PCDHGA5: variants seen among roughly 807,000 people sequenced by gnomAD.
The protein encoded by PCDHGA5 is protocadherin gamma-A5.
PCDHGA5 carries 36 observed loss-of-function variants against 56.7 expected under a neutral mutation model. The observed-to-expected ratio is 0.64, with a 90% confidence interval of 0.49 to 0.84. The LOEUF (loss-of-function observed/expected upper bound fraction) is 0.84, where lower values mean the gene tolerates loss of function less well. PCDHGA5 is among the 40% of genes least tolerant of loss of function. The probability of loss-of-function intolerance (pLI) is 0.00; values close to 1 mark genes in which losing one functional copy is unlikely to be tolerated. For synonymous variants in PCDHGA5, 563 were observed against 520.2 expected, an observed-to-expected ratio of 1.08 and a Z score of -1.12; for missense variants, 1,305 against 1,201.5, an observed-to-expected ratio of 1.09 and a Z score of -1.27.
chr5:141,384,622 A>G (rs1360248889), intron 1 of PCDHGA5: 1 of 1,614,218 alleles, frequency 6.2e-7, no homozygotes, highest in East Asian at 2.2e-5. Context: ...TTCTACTGGC[A>G]TGGAGCTGGC....
chr5:141,381,977 G>A lies in PCDHGA5; in HGVS notation c.2421+15226G>A, dbSNP rs61025717. Among the ~76,000 whole-genome samples, 1,494 of 151,364 alleles carry A rather than the reference G, an allele frequency of 9.9e-3. 24 individuals are homozygous for A. The highest frequency in any genetic ancestry group is 0.034 in the African/African-American group (1,395 of 41,190). On this transcript the variant is annotated intron_variant, in intron 1 of 3. Coordinates refer to ENST00000518069, the MANE Select transcript of PCDHGA5 (RefSeq NM_018918.3). ...CCTGAGTAGCTGGGATTACAGGCGC[G>A]CGCCACCACGCCCGGATAATTTTGT...
chr5:141,443,478 C>T (rs2098390426), intron 1 of PCDHGA5, among the ~76,000 whole-genome samples: 1 of 152,052 alleles, frequency 6.6e-6, no homozygotes, highest in East Asian at 1.9e-4. Context: ...AGAATTAGAC[C>T]CTGTCCCAAA....
chr5:141,454,842 C>T lies in PCDHGA5; in HGVS notation c.2422-39965C>T, dbSNP rs543795114. 1.2e-4 allele frequency among the ~76,000 whole-genome samples: 12 copies of T among 101,680 alleles called. No homozygotes were observed. The East Asian group carries it at 3.9e-3, about 33-fold the overall frequency. 66.7% of individuals were successfully genotyped at this position (101,680 alleles called of 152,430 possible). ...TTTTTTTTTGAGACAGAGTCGCGCTCTGTCACCCAGGCTGGAGTGCAGTGG... is the reference window on the plus strand; with the variant it reads ...TTTTTTTTTGAGACAGAGTCGCGCTTTGTCACCCAGGCTGGAGTGCAGTGG... On this transcript the variant is annotated intron_variant, in intron 1 of 3. Coordinates refer to ENST00000518069, the MANE Select transcript of PCDHGA5 (RefSeq NM_018918.3).
At chr5:141,405,775 G>A (rs2094716657) in intron 1 of PCDHGA5, among the ~76,000 whole-genome samples, 1 of 152,002 alleles carries the variant, frequency 6.6e-6, no homozygotes, top group African/African-American at 2.4e-5. Flanking sequence ...ACTGCGCCTG[G>A]CCCTTAACTT....
chr5:141,490,009 A>T lies in PCDHGA5; in HGVS notation c.2422-4798A>T. Reference sequence around the variant, plus strand: ...TGTGGGAATCCCAGAGAATGCACCCATTGGTACTCTGCTGCTCCGCCTCAA... The same window carrying T: ...TGTGGGAATCCCAGAGAATGCACCCTTTGGTACTCTGCTGCTCCGCCTCAA... On this transcript the variant is annotated intron_variant, in intron 1 of 3. Transcript: ENST00000518069. The surrounding 1 kb of genome is among the most constrained non-coding windows in gnomAD (Gnocchi z 5.4). 5 of 1,614,214 alleles carry T rather than the reference A, an allele frequency of 3.1e-6. No individual in the cohort carries two copies. The highest frequency in any genetic ancestry group is 4.2e-6 in the Non-Finnish European group (5 of 1,180,032).
chr5:141,419,794 T>G, intron 1 of PCDHGA5: 1 of 1,614,048 alleles, frequency 6.2e-7, no homozygotes, highest in Non-Finnish European at 8.5e-7. Flanking sequence ...TGCTAGTCGC[T>G]GTAAGAGATG....
intron 1 of PCDHGA5, chr5:141,402,983 G>A (rs748129276): frequency 6.2e-6 from 10 of 1,609,166 alleles, no homozygotes; most frequent in African/African-American, 1.3e-5. Flanking sequence ...CCAGCTCCGC[G>A]GAAGATTAGT....
chr5:141,419,402 T>G (rs2096376244), intron 1 of PCDHGA5: 1 of 1,613,378 alleles, frequency 6.2e-7, no homozygotes, highest in African/African-American at 1.3e-5. Flanking sequence ...CGGGGTGGTG[T>G]TCGCGCAGCG....
chr5:141,465,836 A>G (rs974075792), intron 1 of PCDHGA5, among the ~76,000 whole-genome samples: 1 of 151,774 alleles, frequency 6.6e-6, no homozygotes, highest in East Asian at 1.9e-4. Context: ...TAAAATTTCA[A>G]CTGAGGCTGG....
At position 141,381,228 on chromosome 5, in the gene PCDHGA5, A is replaced by G. The variant is rs182297381; in HGVS notation, c.2421+14477A>G. ...TCTGGATTCTCCTCCTGGTTCCACC[A>G]ACTACTCTCCAGGACCTAGAAGAAT... On this transcript the variant is annotated intron_variant, in intron 1 of 3. Transcript: ENST00000518069. Among the ~76,000 whole-genome samples, 8 of 152,396 alleles carry G rather than the reference A, an allele frequency of 5.2e-5. No individual in the cohort carries two copies. In the East Asian group the frequency reaches 1.5e-3, roughly 29 times the overall value.
chr5:141,400,783 T>G (rs2094075214), intron 1 of PCDHGA5: 1 of 566,968 alleles, frequency 1.8e-6, no homozygotes, highest in African/African-American at 1.9e-5. Flanking sequence ...TGCGTTTTTT[T>G]GTCCTCTTTC....
intron 1 of PCDHGA5, among the ~76,000 whole-genome samples, chr5:141,469,852 C>T (rs529924249): frequency 1.3e-4 from 20 of 152,054 alleles, no homozygotes; most frequent in African/African-American, 4.8e-4. Flanking sequence ...AGATTCAGAC[C>T]GGGTGCAATG....
chr5:141,464,769 T>C (rs2154568595), intron 1 of PCDHGA5, among the ~76,000 whole-genome samples: 1 of 152,328 alleles, frequency 6.6e-6, no homozygotes. Flanking sequence ...ACAGGAATCT[T>C]GTTCTGTTGC....
chr5:141,377,582 T>A (rs1774132578), intron 1 of PCDHGA5: 1 of 150,722 alleles, frequency 6.6e-6, no homozygotes. Flanking sequence ...GGAGACAGAA[T>A]GAGACTTTTT....
rs2099425622 is a variant in PCDHGA5, at chr5:141,477,947, T to C, written c.2422-16860T>C. Reference sequence around the variant, plus strand: ...CAATGCCTGGCTCTCCTACAGTCTCTTGGGATCCCCTAACCAGAGCCTTTT... The same window carrying C: ...CAATGCCTGGCTCTCCTACAGTCTCCTGGGATCCCCTAACCAGAGCCTTTT... On this transcript the variant is annotated intron_variant, in intron 1 of 3. Coordinates refer to ENST00000518069, the MANE Select transcript of PCDHGA5 (RefSeq NM_018918.3). The surrounding 1 kb of genome is among the most constrained non-coding windows in gnomAD (Gnocchi z 4.9). 1.9e-6 allele frequency: 3 copies of C among 1,614,132 alleles called. No homozygotes were observed. Among genetic ancestry groups the C allele is most frequent in the Non-Finnish European group, 2.5e-6 (3 of 1,180,018 alleles).
chr5:141,395,310 A>T (rs752171326), intron 1 of PCDHGA5: 1 of 1,502,292 alleles, frequency 6.7e-7, no homozygotes, highest in African/African-American at 1.4e-5. Context: ...TTTGAAAAAC[A>T]TTGTGAAGAT....
intron 1 of PCDHGA5, among the ~76,000 whole-genome samples, chr5:141,468,946 C>G: frequency 7.0e-6 from 1 of 141,900 alleles, no homozygotes; most frequent in Non-Finnish European, 1.5e-5. Context: ...ATGGGGTAAA[C>G]CTGTGGTTTT....
At position 141,477,019 on chromosome 5, in the gene PCDHGA5, C is replaced by T. The variant is rs148675327; in HGVS notation, c.2422-17788C>T. 1.9e-5 allele frequency: 30 copies of T among 1,614,242 alleles called. No individual in the cohort carries two copies. Among genetic ancestry groups the T allele is most frequent in the Non-Finnish European group, 2.5e-5 (30 of 1,180,048 alleles). On this transcript the variant is annotated intron_variant, in intron 1 of 3. Transcript: ENST00000518069. This position sits in a 1 kb window ranked among gnomAD's most constrained non-coding sequence, Gnocchi z 4.9. ...AACTATTCGCCTTAGACCTTGTAAC[C>T]GGGATGCTGACAATCAAGGGTCGGC...
intron 1 of PCDHGA5, chr5:141,414,071 A>C: frequency 6.2e-7 from 1 of 1,606,780 alleles, no homozygotes; most frequent in Non-Finnish European, 8.5e-7. Flanking sequence ...TTCCAACTAA[A>C]CAAATATACT....
Sources: gnomAD v4.1 joint callset for allele counts (sites outside exome capture counted in the v4.1 genomes callset) on GRCh38, gnomAD v4.1.1 for gene constraint, Gnocchi (gnomAD v3.1) non-coding constraint, MANE v1.5 for transcripts, NCBI Gene and HGNC (gene_info 2026-07-23, HGNC 2026-07-21) for gene names.